CASK: variants seen among roughly 807,000 people sequenced by gnomAD.
CASK encodes the protein calcium/calmodulin dependent serine protein kinase.
CASK carries 4 observed loss-of-function variants against 82.9 expected under a neutral mutation model. The ratio of observed to expected loss-of-function variants is 0.05; its 90% confidence interval spans 0.02 to 0.11. The LOEUF is 0.11. Among genes scored for constraint, CASK ranks in the 10% least tolerant of loss-of-function variants. CASK has a pLI of 1.00. For synonymous variants in CASK, 259 were observed against 253.5 expected, an observed-to-expected ratio of 1.02 and a Z score of -0.20; for missense variants, 358 against 720.9, an observed-to-expected ratio of 0.50 and a Z score of 5.76.
rs185311095 is a variant in CASK at position 41,736,033 on chromosome X, G to A, written c.429+3351C>T. Among the ~76,000 whole-genome samples, 138 of 111,679 alleles carry A rather than the reference G, an allele frequency of 1.2e-3. 2 individuals are homozygous for A. Among genetic ancestry groups the A allele is most frequent in the African/African-American group, 4.4e-3 (134 of 30,710 alleles). On this transcript the variant is annotated intron_variant, in intron 5 of 26. Coordinates refer to ENST00000378163, the MANE Select transcript of CASK (RefSeq NM_001367721.1). Reference sequence around the variant, plus strand: ...ATTTTTGTCTGTTTTCTTCACTGACGTAGCTCCGGTTCCTAGGACAGTGCC... The same window carrying A: ...ATTTTTGTCTGTTTTCTTCACTGACATAGCTCCGGTTCCTAGGACAGTGCC...
chrX:41,699,437 T>C (rs751369369), intron 5 of CASK, among the ~76,000 whole-genome samples: 190 of 111,927 alleles, frequency 1.7e-3, no homozygotes, highest in African/African-American at 5.0e-3. Flanking sequence ...TTAGCATTTC[T>C]GTTTGTATGG....
chrX:41,696,361 A>G (rs374123381), intron 5 of CASK: 1 of 1,173,256 alleles, frequency 8.5e-7, no homozygotes, highest in Non-Finnish European at 1.1e-6. Flanking sequence ...AAGATTGGGA[A>G]GAATCTATTG....
At chrX:41,785,002 CTTTTTTTT>C (rs368185380) in intron 3 of CASK, among the ~76,000 whole-genome samples, 1 of 74,857 alleles carries the variant, frequency 1.3e-5, no homozygotes, top group Admixed American at 1.5e-4. Flanking sequence ...TTTCAAAATT[CTTTTTTTT>C]TTTTTTTTTT....
chrX:41,533,704 G>C (rs1470096184), intron 24 of CASK, among the ~76,000 whole-genome samples: 1 of 112,156 alleles, frequency 8.9e-6, no homozygotes, highest in Non-Finnish European at 1.9e-5. Flanking sequence ...TTGTTGCCCA[G>C]GCTGGAGTGC....
chrX:41,694,572 C>T (rs1329460304), intron 5 of CASK, among the ~76,000 whole-genome samples: 1 of 112,288 alleles, frequency 8.9e-6, no homozygotes, highest in African/African-American at 3.2e-5. Context: ...ACCCAGGGCA[C>T]ATTTAAGCTT....
At chrX:41,588,666 G>A (rs1333044472) in intron 13 of CASK, 1 of 108,295 alleles carries the variant, frequency 9.2e-6, no homozygotes, top group Non-Finnish European at 1.9e-5. Context: ...CTTTCACATA[G>A]TAATTTCACT....
At chrX:41,701,406 C>A (rs1261627373) in intron 5 of CASK, among the ~76,000 whole-genome samples, 1 of 112,428 alleles carries the variant, frequency 8.9e-6, no homozygotes, top group Non-Finnish European at 1.9e-5. Context: ...ACAGATATGA[C>A]ATTTACTGGA....
intron 2 of CASK, among the ~76,000 whole-genome samples, chrX:41,820,915 C>T (rs1301621290): frequency 9.0e-6 from 1 of 110,987 alleles, no homozygotes; most frequent in African/African-American, 3.3e-5. Context: ...GAATCTCAAC[C>T]CTTACACTTC....
At chrX:41,916,679 G>C (rs2072695928) in intron 1 of CASK, among the ~76,000 whole-genome samples, 1 of 111,918 alleles carries the variant, frequency 8.9e-6, no homozygotes, top group African/African-American at 3.3e-5. Context: ...TTCAGAATCA[G>C]AGAGAACAAT....
chrX:41,640,710 GTTGT>G (rs1223030116), intron 8 of CASK, among the ~76,000 whole-genome samples: 1 of 110,863 alleles, frequency 9.0e-6, no homozygotes, highest in African/African-American at 3.3e-5. Context: ...TTTGAATTGG[GTTGT>G]TTGTATGTTT....
chrX:41,691,840 CAAAAAAAA>C (rs397895684), intron 5 of CASK, among the ~76,000 whole-genome samples: 2 of 28,484 alleles, frequency 7.0e-5, no homozygotes, highest in Non-Finnish European at 1.1e-4. Flanking sequence ...GACTCTGTCT[CAAAAAAAA>C]AAAAAAAAAA....
intron 2 of CASK, among the ~76,000 whole-genome samples, chrX:41,842,861 T>G (rs2071072699): frequency 8.9e-6 from 1 of 112,045 alleles, no homozygotes; most frequent in Non-Finnish European, 1.9e-5. Flanking sequence ...AATATAGTTT[T>G]CCATTTATTA....
At chrX:41,747,830 A>G (rs1053941727) in intron 3 of CASK, among the ~76,000 whole-genome samples, 5 of 112,533 alleles carry the variant, frequency 4.4e-5, no homozygotes, top group African/African-American at 1.6e-4. Context: ...CCCTTGCTCT[A>G]CTAGGATAAT....
rs1002759681 is a variant in CASK, at chrX:41,636,764, A to G, written c.832-103T>C. On this transcript the variant is annotated intron_variant, in intron 8 of 26. Transcript: ENST00000378163. ...GCTAAAATTCTTAAATATAAAACTC[A>G]GATTGAATTTTAGATTGGAGATTTT... The G allele has an allele frequency of 5.8e-5, 31 of 531,140 alleles. No individual in the cohort carries two copies. The African/African-American group carries it at 5.9e-4, about 10-fold the overall frequency. The allele number at this position is 531,140 out of a possible 1,213,427, so 43.8% of individuals were successfully genotyped here. A position where few individuals can be genotyped will look rare whatever the true frequency, so the allele number is the denominator to read the frequency against.
At chrX:41,782,409 C>T (rs1317562757) in intron 3 of CASK, among the ~76,000 whole-genome samples, 2 of 112,081 alleles carry the variant, frequency 1.8e-5, no homozygotes, top group South Asian at 3.7e-4. Context: ...GGTCTCATCT[C>T]GATATACAGC....
intron 22 of CASK, among the ~76,000 whole-genome samples, chrX:41,536,664 ATT>A (rs756107027): frequency 3.6e-4 from 41 of 112,398 alleles, no homozygotes; most frequent in African/African-American, 1.2e-3. Flanking sequence ...GTTTTTGCAC[ATT>A]TGTTTTCTTT....
At chrX:41,536,926 A>G (rs2064881661) in intron 22 of CASK, among the ~76,000 whole-genome samples, 1 of 111,834 alleles carries the variant, frequency 8.9e-6, no homozygotes, top group African/African-American at 3.3e-5. Context: ...TGATATTTCC[A>G]TCAAGAAAAA....
At chrX:41,884,273 CT>C (rs1402690365) in intron 1 of CASK, among the ~76,000 whole-genome samples, 3 of 111,916 alleles carry the variant, frequency 2.7e-5, no homozygotes, top group African/African-American at 9.7e-5. Context: ...TTATCCTATT[CT>C]TTTTCTATCT....
intron 1 of CASK, among the ~76,000 whole-genome samples, chrX:41,901,430 T>C (rs1350881649): frequency 9.3e-6 from 1 of 106,991 alleles, no homozygotes; most frequent in Non-Finnish European, 1.9e-5. Context: ...AAGGCTGCAG[T>C]GAGCTGTGAT....
Sources: allele counts gnomAD v4.1 joint callset (sites outside exome capture counted in the v4.1 genomes callset), GRCh38; gene constraint gnomAD v4.1.1; transcripts MANE v1.5; gene names NCBI Gene and HGNC (gene_info 2026-07-23, HGNC 2026-07-21).